UNC5B: variants seen among roughly 807,000 people sequenced by gnomAD.
UNC5B encodes the protein netrin receptor UNC5B.
In UNC5B, 56 loss-of-function variants were observed where a neutral mutation model predicts 103.7. The ratio of observed to expected loss-of-function variants is 0.54; its 90% CI spans 0.44 to 0.67. The LOEUF (loss-of-function observed/expected upper bound fraction) is 0.67. Among genes scored for constraint, UNC5B ranks in the 30% least tolerant of loss-of-function variants. The pLI, the probability that UNC5B is intolerant of heterozygous loss-of-function variation, is 0.00. For synonymous variants in UNC5B, 577 were observed against 542.0 expected (o/e 1.06, Z -0.90); for missense variants, 1,194 against 1,284.5 (o/e 0.93, Z 1.08).
rs10823720 is a variant in UNC5B at position 71,297,998 on chromosome 10, G to C, written c.2580G>C (p.Leu860=). The C allele has an allele frequency of 0.026, 41,333 of 1,613,900 alleles. 1,093 individuals carry two copies. Among genetic ancestry groups the C allele is most frequent in the East Asian group, 0.14 (6,221 of 44,838 alleles). The change falls in exon 16 of 17, where the codon CTG becomes CTC. Residue 860 remains leucine (L), a synonymous_variant. Transcript: ENST00000335350. ...GACCTTATGCCTTCAAGATCCCACT[G>C]TCCATCCGCCAGAAGATATGCAACA... The part of the protein sequence containing the change: ...QLGPYAFKIP[L]SIRQKICNSL...
At chr10:71,275,199 G>A (rs1412259246) in intron 1 of UNC5B, among the ~76,000 whole-genome samples, 1 of 152,226 alleles carries the variant, frequency 6.6e-6, no homozygotes. Flanking sequence ...ATTCTTGGAT[G>A]CAGCTTTAAA....
At chr10:71,284,653 G>A in intron 2 of UNC5B, 67 bp from the exon 3 acceptor site, 1 of 1,602,008 alleles carries the variant, frequency 6.2e-7, no homozygotes, top group Non-Finnish European at 8.5e-7. Context: ...TGGAAGGCCG[G>A]GGGTGTCCTG....
Position 71,287,717 on chromosome 10 carries a change from T to C in UNC5B, c.853T>C (p.Cys285Arg), listed in dbSNP as rs1845129767. 6.2e-7 allele frequency: 1 copy of C among 1,612,838 alleles called. No homozygotes were observed. Among genetic ancestry groups the C allele is most frequent in the Non-Finnish European group, 8.5e-7 (1 of 1,179,394 alleles). ...NPAPLNGGAF[C>R]EGQAFQKTAC... ...CGCTCCACTCAACGGAGGGGCCTTC[T>C]GCGAGGGCCAGGCATTCCAGAAGAC... The change falls in exon 6 of 17, where the codon TGC (cysteine) becomes CGC (arginine). Residue 285 changes from cysteine (C) to arginine (R), a missense_variant. Cys to Arg is a radical substitution (Grantham distance 180). Transcript: ENST00000335350.
Position 71,272,877 on chromosome 10 carries a change from C to CTGTTTGTTTGTTTGTT in UNC5B, c.80-6930_80-6915dup, listed in dbSNP as rs112300355. ...TGCCACTCCCAGGCACATGCACTGC[C>CTGTTTGTTTGTTTGTT]TGTTTGTTTGTTTGTTTGTTTGTTT... On this transcript the variant is annotated intron_variant, in intron 1 of 16. Coordinates refer to ENST00000335350, the MANE Select transcript of UNC5B (RefSeq NM_170744.5). Among the ~76,000 whole-genome samples, 205 of 150,570 alleles carry CTGTTTGTTTGTTTGTT rather than the reference C, an allele frequency of 1.4e-3. 2 individuals are homozygous for CTGTTTGTTTGTTTGTT. In the East Asian group the frequency reaches 0.019, roughly 14 times the overall value.
At chr10:71,289,464 G>C (rs1262901651) in intron 8 of UNC5B, among the ~76,000 whole-genome samples, 1 of 152,172 alleles carries the variant, frequency 6.6e-6, no homozygotes, top group Non-Finnish European at 1.5e-5. Flanking sequence ...AATTGTCTCT[G>C]TTGCCCGCTG....
At chr10:71,256,951 G>A (rs114844546) in intron 1 of UNC5B, among the ~76,000 whole-genome samples, 154 of 152,364 alleles carry the variant, frequency 1.0e-3, no homozygotes, top group African/African-American at 3.3e-3. Context: ...GGGCAGGAGG[G>A]TGAGCACAGA....
At chr10:71,291,913 C>A in intron 10 of UNC5B, 92 bp downstream of exon 10, 1 of 1,455,188 alleles carries the variant, frequency 6.9e-7, no homozygotes, top group Non-Finnish European at 9.0e-7. Context: ...TAGGGCTGCC[C>A]TAATCCCATC....
rs373623725 is a variant in UNC5B at position 71,265,535 on chromosome 10, G to A, written c.80-14286G>A. On this transcript the variant is annotated intron_variant, in intron 1 of 16. Coordinates refer to ENST00000335350, the MANE Select transcript of UNC5B (RefSeq NM_170744.5). Reference sequence around the variant, plus strand: ...CAGGGAAACCAGCTCTGAGAATGACGGTCTGGTGATGTGGCGATCCCCAGA... The same window carrying A: ...CAGGGAAACCAGCTCTGAGAATGACAGTCTGGTGATGTGGCGATCCCCAGA... Among the ~76,000 whole-genome samples the A allele has an allele frequency of 1.8e-4, 28 of 152,308 alleles. No individual in the cohort carries two copies. In the East Asian group the frequency reaches 3.5e-3, roughly 19 times the overall value.
intron 3 of UNC5B, 145 bp downstream of exon 3, chr10:71,285,008 G>A (rs1039639754): frequency 7.9e-7 from 1 of 1,259,932 alleles, no homozygotes; most frequent in African/African-American, 1.5e-5. Context: ...GCACATGGAT[G>A]CCAGCTCAGA....
chr10:71,287,873 G>A (rs1245042892), intron 6 of UNC5B, 108 bp downstream of exon 6: 16 of 1,445,598 alleles, frequency 1.1e-5, no homozygotes, highest in East Asian at 2.7e-5. Context: ...GGAGCAGAAG[G>A]TGCTTGTCCC....
rs773131647 is a variant in UNC5B, at chr10:71,296,705, A to T, written c.2453A>T (p.Glu818Val). The T allele has an allele frequency of 8.8e-6, 14 of 1,595,098 alleles. No individual in the cohort carries two copies. Among genetic ancestry groups the T allele is most frequent in the South Asian group, 2.2e-5 (2 of 90,166 alleles). ...ATCTGCGTGCGGCAAGTGGAAGGGG[A>T]GGGCCAGATATTCCAGCTGCATACC... ...CKICVRQVEG[E>V]GQIFQLHTTL... is the part of the protein sequence containing the mutation. Residue 818 changes from glutamate to valine, a missense_variant, in exon 15 of 17, where the codon GAG (glutamate) becomes GTG (valine). Coordinates refer to ENST00000335350, the MANE Select transcript of UNC5B (RefSeq NM_170744.5).
At chr10:71,285,203 A>T in intron 3 of UNC5B, 123 bp from the exon 4 acceptor site, 4 of 1,047,916 alleles carry the variant, frequency 3.8e-6, no homozygotes, top group Non-Finnish European at 5.7e-6. Context: ...TCCCAGGCAA[A>T]GGCCAGGTGG....
In UNC5B at chr10:71,217,069, GC is replaced by G. The variant is rs1048585386; in HGVS notation, c.79+4010del. Reference sequence around the variant, plus strand: ...AGGGAAACTGCTGCCTGGGCAGATGGCCCCCAGAGGGTAGGGAGGAGAAAGC... The same window carrying G: ...AGGGAAACTGCTGCCTGGGCAGATGGCCCCAGAGGGTAGGGAGGAGAAAGC... On this transcript the variant is annotated intron_variant, in intron 1 of 16. Coordinates refer to ENST00000335350, the MANE Select transcript of UNC5B (RefSeq NM_170744.5). Among the ~76,000 whole-genome samples, 15 of 152,252 alleles carry G rather than the reference GC, an allele frequency of 9.9e-5. 1 individual carries two copies. Among genetic ancestry groups the G allele is most frequent in the Non-Finnish European group, 1.5e-5 (1 of 68,038 alleles).
At chr10:71,272,496 C>T (rs748852591) in intron 1 of UNC5B, among the ~76,000 whole-genome samples, 28 of 152,136 alleles carry the variant, frequency 1.8e-4, no homozygotes, top group Admixed American at 2.0e-4. Flanking sequence ...GAAGTGGACC[C>T]GGCTGAGATG....
chr10:71,274,120 T>G (rs1490479261), intron 1 of UNC5B, among the ~76,000 whole-genome samples: 2 of 152,160 alleles, frequency 1.3e-5, no homozygotes, highest in Non-Finnish European at 2.9e-5. Context: ...CCCAGCACTT[T>G]GGGAGGCCAA....
chr10:71,222,358 G>C (rs1843469972), intron 1 of UNC5B, among the ~76,000 whole-genome samples: 1 of 152,150 alleles, frequency 6.6e-6, no homozygotes, highest in African/African-American at 2.4e-5. Flanking sequence ...GAATCTTCCA[G>C]AGGTGGCTCA....
chr10:71,273,887 C>T (rs1844704170), intron 1 of UNC5B, among the ~76,000 whole-genome samples: 1 of 152,194 alleles, frequency 6.6e-6, no homozygotes, highest in Non-Finnish European at 1.5e-5. Context: ...CACCCTCCTG[C>T]ATTTTAAATG....
In UNC5B at chr10:71,246,972, T is replaced by C. The variant is rs536839859; in HGVS notation, c.80-32849T>C. On this transcript the variant is annotated intron_variant, in intron 1 of 16. Coordinates refer to ENST00000335350, the MANE Select transcript of UNC5B (RefSeq NM_170744.5). ...TCCCTGTGTGACCAGAGCCCCACCC[T>C]GAAGCCGTCCAGGACCTGTCTGATC... Among the ~76,000 whole-genome samples, 149 of 152,276 alleles carry C rather than the reference T, an allele frequency of 9.8e-4. 2 individuals are homozygous for C. Among genetic ancestry groups the C allele is most frequent in the African/African-American group, 3.5e-3 (146 of 41,560 alleles).
rs142562308 is a variant in UNC5B, at chr10:71,291,495, G to T, written c.1358G>T (p.Arg453Leu). 1 of 1,614,026 alleles carries T rather than the reference G, an allele frequency of 6.2e-7. No homozygotes were observed. Among genetic ancestry groups the T allele is most frequent in the Admixed American group, 1.7e-5 (1 of 60,006 alleles). Residue 453 changes from arginine (R) to leucine (L), a missense_variant, in exon 10 of 17, where the codon CGC becomes CTC. Arg to Leu is a moderately radical substitution (Grantham distance 102). Coordinates refer to ENST00000335350, the MANE Select transcript of UNC5B (RefSeq NM_170744.5). ...PDLTASAGIY[R>L]GPVYALQDST... ...CTGACAGCCAGCGCCGGCATCTACC[G>T]CGGACCCGTGTATGCCCTGCAGGAC...
Sources: allele counts gnomAD v4.1 joint callset (sites outside exome capture counted in the v4.1 genomes callset), GRCh38; gene constraint gnomAD v4.1.1; transcripts MANE v1.5; gene names NCBI Gene and HGNC (gene_info 2026-07-23, HGNC 2026-07-21).